ATP10B: variants seen among roughly 807,000 people sequenced by gnomAD.
The protein encoded by ATP10B is ATPase phospholipid transporting 10B (putative).
ATP10B carries 122 observed loss-of-function variants against 141.2 expected under a neutral mutation model. The ratio of observed to expected loss-of-function variants is 0.86; its 90% CI spans 0.75 to 1.00. The LOEUF (loss-of-function observed/expected upper bound fraction) is 1.00, where lower values mean the gene tolerates loss of function less well. Ranked by LOEUF, ATP10B falls within the 50% of genes least tolerant of loss-of-function variation. The probability of loss-of-function intolerance (pLI) is 0.00; values close to 1 mark genes in which losing one functional copy is unlikely to be tolerated. For missense variants in ATP10B, 1,876 were observed against 1,825.3 expected (o/e 1.03, Z -0.51); for synonymous variants, 685 against 692.0 (o/e 0.99, Z 0.16).
rs1396783762 is a variant in ATP10B at position 160,602,545 on chromosome 5, C to G, written c.3363+32G>C. On this transcript the variant is annotated intron_variant, in intron 21 of 25. Transcript: ENST00000327245. The stretch of plus-strand genomic sequence containing the variant: ...GGCCCCGTGGCAAGGCCTGCCAAAG[C>G]CCTGGGTGAGAGGACGCCATAGGCT... 7.4e-6 allele frequency: 12 copies of G among 1,612,526 alleles called. No homozygotes were observed. The Admixed American group carries it at 2.0e-4, about 27-fold the overall frequency.
intron 1 of ATP10B, among the ~76,000 whole-genome samples, chr5:160,809,084 G>A (rs922658307): frequency 6.6e-6 from 1 of 152,122 alleles, no homozygotes; most frequent in Non-Finnish European, 1.5e-5. Context: ...AGGACACCAA[G>A]TGTATTAGAT....
intron 2 of ATP10B, among the ~76,000 whole-genome samples, chr5:160,723,583 T>C (rs1766121618): frequency 6.6e-6 from 1 of 152,204 alleles, no homozygotes; most frequent in Admixed American, 6.5e-5. Context: ...AACTTCATCC[T>C]TTCAGTTGTT....
chr5:160,705,820 G>A lies in ATP10B; in HGVS notation c.-205+11089C>T, dbSNP rs115798460. 9.9e-3 allele frequency among the ~76,000 whole-genome samples: 1,515 copies of A among 152,296 alleles called. 26 individuals are homozygous for A. The highest frequency in any genetic ancestry group is 0.035 in the African/African-American group (1,450 of 41,542). On this transcript the variant is annotated intron_variant, in intron 3 of 25. Transcript: ENST00000327245. ...TTCACAACTTGGTCAACTATTTGGT[G>A]CAAGAGGCCTAGATTTCAGCCTGTC...
chr5:160,827,743 TTG>T (rs1241384945), intron 1 of ATP10B, among the ~76,000 whole-genome samples: 1 of 152,172 alleles, frequency 6.6e-6, no homozygotes, highest in Non-Finnish European at 1.5e-5. Flanking sequence ...ATCTTAATTT[TTG>T]TATAGGGTGA....
chr5:160,687,985 C>A lies in ATP10B; in HGVS notation c.90G>T (p.Leu30=). 6.2e-7 allele frequency: 1 copy of A among 1,614,070 alleles called. No individual in the cohort carries two copies. Among genetic ancestry groups the A allele is most frequent in the Non-Finnish European group, 8.5e-7 (1 of 1,180,032 alleles). Residue 30 remains leucine (L), a synonymous_variant, in exon 5 of 26, where the codon CTG becomes CTT. Transcript: ENST00000327245. Reference sequence around the variant, plus strand: ...TCTGTCTCCCTTTCTCTGGAGAGAGCAGCGGTGTGGTTTCCGATGGACAAT... The same window carrying A: ...TCTGTCTCCCTTTCTCTGGAGAGAGAAGCGGTGTGGTTTCCGATGGACAAT... ...FPHCPSETTP[L]LSPEKGRQSY... is the part of the protein sequence containing the mutation.
At chr5:160,839,066 G>T (rs969892043) in intron 1 of ATP10B, among the ~76,000 whole-genome samples, 4 of 152,104 alleles carry the variant, frequency 2.6e-5, no homozygotes, top group Non-Finnish European at 5.9e-5. Context: ...GTAGATGTTG[G>T]TGCCATGCTT....
rs557383050 is a variant in ATP10B at position 160,651,281 on chromosome 5, C to T, written c.676-2025G>A. Among the ~76,000 whole-genome samples the T allele has an allele frequency of 2.0e-5, 3 of 152,250 alleles. No homozygotes were observed. In the South Asian group the frequency reaches 6.2e-4, roughly 32 times the overall value. Reference sequence around the variant, plus strand: ...TACTCCTTACTTACTCAGCACATTGCTTCCTGGTGAACAGTCTTGTAGCTA... The same window carrying T: ...TACTCCTTACTTACTCAGCACATTGTTTCCTGGTGAACAGTCTTGTAGCTA... On this transcript the variant is annotated intron_variant, in intron 7 of 25. Transcript: ENST00000327245.
chr5:160,846,264 G>A (rs887308435), intron 1 of ATP10B, among the ~76,000 whole-genome samples: 1 of 152,138 alleles, frequency 6.6e-6, no homozygotes, highest in Admixed American at 6.6e-5. Flanking sequence ...AACTTGCCGT[G>A]TTGAGCAGGC....
At chr5:160,821,404 T>A (rs1010671220) in intron 1 of ATP10B, among the ~76,000 whole-genome samples, 2 of 152,024 alleles carry the variant, frequency 1.3e-5, no homozygotes, top group Admixed American at 6.6e-5. Flanking sequence ...GTTCATGAAT[T>A]GGAAGAATCA....
At chr5:160,918,087 T>G in the ATP10B span, among the ~76,000 whole-genome samples, 1 of 152,140 alleles carries the variant, frequency 6.6e-6, no homozygotes, top group Non-Finnish European at 1.5e-5. Flanking sequence ...TACTCTCCCT[T>G]TTCACACTGA....
intron 1 of ATP10B, among the ~76,000 whole-genome samples, chr5:160,835,107 G>A (rs935910883): frequency 6.6e-6 from 1 of 151,970 alleles, no homozygotes; most frequent in African/African-American, 2.4e-5. Context: ...AAGGAATGTT[G>A]TGGAGCTGAA....
At chr5:160,903,485 A>G in the ATP10B span, among the ~76,000 whole-genome samples, 2 of 152,338 alleles carry the variant, frequency 1.3e-5, no homozygotes, top group African/African-American at 4.8e-5. Context: ...GATCAGAGCC[A>G]CAGAGCATTT....
At chr5:160,784,025 T>A (rs939287299) in intron 2 of ATP10B, among the ~76,000 whole-genome samples, 1 of 152,152 alleles carries the variant, frequency 6.6e-6, no homozygotes, top group South Asian at 2.1e-4. Context: ...AATAATAGCT[T>A]AATCCACCTT....
Position 160,612,628 on chromosome 5 carries a change from G to A in ATP10B, c.2838+113C>T, listed in dbSNP as rs1269265052. On this transcript the variant is annotated intron_variant, in intron 18 of 25. Coordinates refer to ENST00000327245, the MANE Select transcript of ATP10B (RefSeq NM_025153.3). ...TCCAAGATTCAGTGATCTGTTGGGGGTTGGGTGCTTCCCTGGTGTACCCAA... is the reference window on the plus strand; with the variant it reads ...TCCAAGATTCAGTGATCTGTTGGGGATTGGGTGCTTCCCTGGTGTACCCAA... The A allele has an allele frequency of 7.2e-6, 6 of 838,820 alleles. No individual in the cohort carries two copies. In the Admixed American group the frequency reaches 1.6e-4, roughly 22 times the overall value. The allele number at this position is 838,820 out of a possible 1,614,324, so 52.0% of individuals were successfully genotyped here.
At chr5:160,756,655 C>T (rs781768450) in intron 2 of ATP10B, among the ~76,000 whole-genome samples, 31 of 151,594 alleles carry the variant, frequency 2.0e-4, no homozygotes, top group South Asian at 4.2e-4. Context: ...ATTTGCCATC[C>T]GTAATTTTTT....
At chr5:160,757,247 A>G (rs954650375) in intron 2 of ATP10B, among the ~76,000 whole-genome samples, 5 of 152,168 alleles carry the variant, frequency 3.3e-5, no homozygotes, top group Admixed American at 2.6e-4. Flanking sequence ...AATCATTTGT[A>G]TGGGTTCACT....
chr5:160,603,341 G>A (rs1473524250), intron 20 of ATP10B: 3 of 154,174 alleles, frequency 1.9e-5, no homozygotes, highest in Non-Finnish European at 2.9e-5. Flanking sequence ...AAAATTCAAT[G>A]AGATCCTAAA....
rs116497857 is a variant in ATP10B, at chr5:160,617,993, C to A, written c.2417-20G>T. 2.7e-3 allele frequency: 4,213 copies of A among 1,579,130 alleles called. 6 individuals are homozygous for A. The highest frequency in any genetic ancestry group is 3.3e-3 in the Non-Finnish European group (3,762 of 1,148,266). On this transcript the variant is annotated intron_variant, in intron 15 of 25. Coordinates refer to ENST00000327245, the MANE Select transcript of ATP10B (RefSeq NM_025153.3). ...CAGGTACTGTCAAATAGCCATTTTC[C>A]CGCATGAGGCCACATACAAATGCTC...
chr5:160,749,779 TAAGTA>T (rs1370323853), intron 2 of ATP10B, among the ~76,000 whole-genome samples: 2 of 151,954 alleles, frequency 1.3e-5, no homozygotes, highest in East Asian at 3.9e-4. Context: ...AGAACAGGGG[TAAGTA>T]AGCATGTGTG....
Sources: gnomAD v4.1 joint callset for allele counts (sites outside exome capture counted in the v4.1 genomes callset) on GRCh38, gnomAD v4.1.1 for gene constraint, MANE v1.5 for transcripts, NCBI Gene and HGNC (gene_info 2026-07-23, HGNC 2026-07-21) for gene names.